The following APP variants were observed in gnomAD, a reference collection of about 807,000 sequenced individuals.
APP encodes amyloid-beta precursor protein.
Under a neutral mutation model 101.4 loss-of-function variants are expected in APP, and 31 were observed. That is an observed-to-expected ratio of 0.31 (90% CI 0.23 to 0.41). APP has a LOEUF of 0.41. APP is among the 10% of genes least tolerant of loss of function. The pLI, the probability that APP is intolerant of heterozygous loss-of-function variation, is 1.00. For missense variants in APP, 839 were observed against 1,003.7 expected, an observed-to-expected ratio of 0.84 and a Z score of 2.22; for synonymous variants, 366 against 364.4, an observed-to-expected ratio of 1.00 and a Z score of -0.05.
chr21:26,082,388 C>A (rs2061616471), intron 3 of APP, among the ~76,000 whole-genome samples: 1 of 152,000 alleles, frequency 6.6e-6, no homozygotes, highest in Admixed American at 6.6e-5. Flanking sequence ...TTCCTGCCCT[C>A]AAAAATTATA....
intron 1 of APP, among the ~76,000 whole-genome samples, chr21:26,121,878 C>T (rs1162623920): frequency 2.6e-5 from 4 of 152,050 alleles, no homozygotes; most frequent in African/African-American, 9.7e-5. Flanking sequence ...TGTTGACCCA[C>T]TCGGAACGTA....
chr21:26,155,122 A>C (rs1194326173), intron 1 of APP, among the ~76,000 whole-genome samples: 1 of 152,166 alleles, frequency 6.6e-6, no homozygotes, highest in African/African-American at 2.4e-5. Context: ...GTGATGGCAC[A>C]CGCCTGTAAT....
Position 25,891,744 on chromosome 21 carries a change from G to T in APP, c.2189C>A (p.Ser730Tyr). 6.2e-7 allele frequency: 1 copy of T among 1,614,046 alleles called. No individual in the cohort carries two copies. The highest frequency in any genetic ancestry group is 8.5e-7 in the Non-Finnish European group (1 of 1,179,974). The change falls in exon 17 of 18, where the codon TCC becomes TAC. Residue 730 changes from serine to tyrosine, a missense_variant. Ser to Tyr is a moderately radical substitution (Grantham distance 144). Coordinates refer to ENST00000346798, the MANE Select transcript of APP (RefSeq NM_000484.4). ...TACCTCCACCACACCATGATGAATG[G>T]ATGTGTACTGTTTCTTCTTCAGCAT... ...LVMLKKKQYT[S>Y]IHHGVVEVDA...
intron 2 of APP, among the ~76,000 whole-genome samples, chr21:26,092,248 C>T (rs999851120): frequency 1.3e-5 from 2 of 151,782 alleles, no homozygotes; most frequent in Non-Finnish European, 2.9e-5. Flanking sequence ...GTCCCAGACC[C>T]CAAAAAAATC....
At chr21:25,997,005 C>T (rs2043082023) in intron 8 of APP, among the ~76,000 whole-genome samples, 1 of 152,216 alleles carries the variant, frequency 6.6e-6, no homozygotes, top group Non-Finnish European at 1.5e-5. Flanking sequence ...TCTGCAAAAG[C>T]AGTGAGAGGC....
At chr21:26,054,272 G>A (rs563983376) in intron 3 of APP, among the ~76,000 whole-genome samples, 23 of 120,952 alleles carry the variant, frequency 1.9e-4, no homozygotes, top group Admixed American at 1.8e-3. Flanking sequence ...TGCCACATGG[G>A]AAATGAATTG....
chr21:25,970,987 A>G (rs1347715564), intron 11 of APP, among the ~76,000 whole-genome samples: 3 of 152,162 alleles, frequency 2.0e-5, no homozygotes, highest in African/African-American at 7.2e-5. Context: ...GAGTGAGAAG[A>G]ACTGGATTTA....
At chr21:26,170,899 C>T (rs2063734059), upstream of APP, 3 of 318,380 alleles carry the variant, frequency 9.4e-6, no homozygotes. Context: ...CGGGAGGGGC[C>T]CTCGCGCCCC....
At chr21:26,102,422 C>G (rs1217078305) in intron 2 of APP, among the ~76,000 whole-genome samples, 1 of 151,936 alleles carries the variant, frequency 6.6e-6, no homozygotes, top group Non-Finnish European at 1.5e-5. Flanking sequence ...TCATTTCATC[C>G]CAAAGAAACA....
At chr21:26,143,314 A>T (rs2063086776) in intron 1 of APP, among the ~76,000 whole-genome samples, 1 of 152,108 alleles carries the variant, frequency 6.6e-6, no homozygotes, top group South Asian at 2.1e-4. Context: ...CTTAAAAAAT[A>T]ATAATGATGA....
In APP at chr21:25,954,610, T is replaced by G; in HGVS notation, c.1667A>C (p.Glu556Ala). 1.2e-6 allele frequency: 2 copies of G among 1,613,942 alleles called. No individual in the cohort carries two copies. The highest frequency in any genetic ancestry group is 1.7e-6 in the Non-Finnish European group (2 of 1,179,874). ...SLLYNVPAVAEEIQDEVDELL... is the reference protein window; with the variant it reads ...SLLYNVPAVAAEIQDEVDELL... ...CTTACCAACTTCATCCTGAATCTCC[T>G]CGGCCACTGCAGGCACGTTGTAGAG... is the stretch of plus-strand genomic sequence containing the variant. Residue 556 changes from glutamate to alanine, a missense_variant, in exon 13 of 18, where the codon GAG becomes GCG. Glu to Ala is a moderately radical substitution (Grantham distance 107). Transcript: ENST00000346798.
chr21:25,932,674 C>T (rs77003439), intron 13 of APP, among the ~76,000 whole-genome samples: 1 of 152,084 alleles, frequency 6.6e-6, no homozygotes, highest in East Asian at 1.9e-4. Flanking sequence ...ATGTTATTTT[C>T]ATCTCAGCAC....
chr21:25,900,574 TAAATA>T (rs1307370652), intron 15 of APP, among the ~76,000 whole-genome samples: 1 of 150,774 alleles, frequency 6.6e-6, no homozygotes, highest in East Asian at 2.0e-4. Flanking sequence ...AATAAATAAA[TAAATA>T]AAAGATCTAG....
chr21:26,028,694 C>T (rs568160604), intron 5 of APP, among the ~76,000 whole-genome samples: 66 of 152,168 alleles, frequency 4.3e-4, no homozygotes, highest in African/African-American at 1.5e-3. Context: ...CCATTAAGTA[C>T]CTCTCTAAGC....
chr21:26,077,665 T>G (rs1327875034), intron 3 of APP, among the ~76,000 whole-genome samples: 1 of 151,614 alleles, frequency 6.6e-6, no homozygotes, highest in Non-Finnish European at 1.5e-5. Context: ...CTCGTTCGTC[T>G]CCTCCAATCT....
chr21:26,032,356 C>T (rs748518875), intron 5 of APP, among the ~76,000 whole-genome samples: 3 of 152,162 alleles, frequency 2.0e-5, no homozygotes, highest in Non-Finnish European at 2.9e-5. Context: ...TCTCAAGGAA[C>T]GACTACACTT....
chr21:26,020,175 G>A (rs183785727), intron 6 of APP, among the ~76,000 whole-genome samples: 11 of 152,070 alleles, frequency 7.2e-5, no homozygotes, highest in Middle Eastern at 3.4e-3. Context: ...GAAAGAAGTC[G>A]GACACAAAAG....
intron 3 of APP, among the ~76,000 whole-genome samples, chr21:26,055,553 G>A (rs1186308129): frequency 1.3e-5 from 2 of 152,148 alleles, no homozygotes; most frequent in African/African-American, 4.8e-5. Flanking sequence ...GGTTTCTGAG[G>A]TCAGGGACTA....
chr21:25,971,268 G>A (rs965212354), intron 11 of APP, among the ~76,000 whole-genome samples: 4 of 152,022 alleles, frequency 2.6e-5, no homozygotes, highest in African/African-American at 9.7e-5. Flanking sequence ...GGATGGTCTT[G>A]ATCTCTTGAC....
Sources: gnomAD v4.1 joint callset for allele counts (sites outside exome capture counted in the v4.1 genomes callset) on GRCh38, gnomAD v4.1.1 for gene constraint, MANE v1.5 for transcripts, NCBI Gene and HGNC (gene_info 2026-07-23, HGNC 2026-07-21) for gene names.